Variants in PCDH19 observed in about 807,000 individuals in gnomAD.
PCDH19 encodes the protein protocadherin-19.
A neutral mutation model predicts 46.2 loss-of-function variants in PCDH19; 6 were observed. The ratio of observed to expected loss-of-function variants is 0.13; its 90% CI spans 0.07 to 0.26. The LOEUF is 0.26. Among genes scored for constraint, PCDH19 ranks in the 10% least tolerant of loss-of-function variants. The pLI is 1.00. For missense variants in PCDH19, 740 were observed against 972.3 expected, an observed-to-expected ratio of 0.76 and a Z score of 3.18; for synonymous variants, 481 against 415.7, an observed-to-expected ratio of 1.16 and a Z score of -1.91.
intron 5 of PCDH19, among the ~76,000 whole-genome samples, chrX:100,339,643 T>C (rs1484530249): frequency 8.9e-6 from 1 of 112,315 alleles, no homozygotes; most frequent in Admixed American, 9.4e-5. Context: ...GTGGCAAGCC[T>C]GAAGTTGCTA....
chrX:100,302,438 C>T (rs972122227), intron 5 of PCDH19, among the ~76,000 whole-genome samples: 24 of 111,613 alleles, frequency 2.2e-4, no homozygotes, highest in Non-Finnish European at 4.1e-4. Flanking sequence ...TCATCACACG[C>T]GTAATTACCA....
At chrX:100,403,434 C>G in intron 2 of PCDH19, 90 bp downstream of exon 2, 1 of 950,146 alleles carries the variant, frequency 1.1e-6, no homozygotes, top group South Asian at 2.0e-5. Context: ...TGCCCTAGCC[C>G]GGTTCCCTTT....
chrX:100,316,248 C>T (rs1183853611), intron 5 of PCDH19, among the ~76,000 whole-genome samples: 2 of 112,402 alleles, frequency 1.8e-5, no homozygotes, highest in African/African-American at 6.5e-5. Flanking sequence ...GTCTCAGAGA[C>T]ATTTTGAAGT....
intron 5 of PCDH19, among the ~76,000 whole-genome samples, chrX:100,326,625 G>C (rs1005843704): frequency 1.8e-5 from 2 of 111,245 alleles, no homozygotes; most frequent in Non-Finnish European, 3.8e-5. Context: ...CTCCAGAGAG[G>C]AACCAGGGCT....
Position 100,347,768 on chromosome X carries a change from A to C in PCDH19, c.2675+2878T>G, listed in dbSNP as rs779467197. Among the ~76,000 whole-genome samples, 3 of 111,246 alleles carry C rather than the reference A, an allele frequency of 2.7e-5. No homozygotes were observed. The East Asian group carries it at 8.5e-4, about 32-fold the overall frequency. ...AATAGAAGAAGAGAACATGGATAGAAAAATAAGTTCTCAGCCAGGCACGGT... is the reference window on the plus strand; with the variant it reads ...AATAGAAGAAGAGAACATGGATAGACAAATAAGTTCTCAGCCAGGCACGGT... On this transcript the variant is annotated intron_variant, in intron 4 of 5. Transcript: ENST00000373034.
intron 3 of PCDH19, among the ~76,000 whole-genome samples, chrX:100,391,444 C>A (rs749175656): frequency 8.9e-6 from 1 of 111,888 alleles, no homozygotes; most frequent in African/African-American, 3.2e-5. Flanking sequence ...TCAGATTATA[C>A]ACAGAATATG....
chrX:100,307,791 T>C (rs1164863629), intron 5 of PCDH19, among the ~76,000 whole-genome samples: 1 of 110,969 alleles, frequency 9.0e-6, no homozygotes, highest in Non-Finnish European at 1.9e-5. Flanking sequence ...CAACCTCTTT[T>C]ACAACAGATG....
At chrX:100,380,652 G>C (rs773756497) in intron 3 of PCDH19, among the ~76,000 whole-genome samples, 1 of 111,984 alleles carries the variant, frequency 8.9e-6, no homozygotes, top group Non-Finnish European at 1.9e-5. Flanking sequence ...TTCCTCCAAA[G>C]TCTCTGTTCT....
At chrX:100,316,607 G>A (rs1834256812) in intron 5 of PCDH19, among the ~76,000 whole-genome samples, 1 of 112,149 alleles carries the variant, frequency 8.9e-6, no homozygotes, top group Non-Finnish European at 1.9e-5. Flanking sequence ...ATTGAACTGA[G>A]CAGGGCCAAC....
chrX:100,382,148 G>A (rs1258170906), intron 3 of PCDH19, among the ~76,000 whole-genome samples: 1 of 109,844 alleles, frequency 9.1e-6, no homozygotes, highest in African/African-American at 3.3e-5. Context: ...CACTTACAGT[G>A]AGACTCTGTT....
intron 3 of PCDH19, among the ~76,000 whole-genome samples, chrX:100,354,044 T>G (rs1008785592): frequency 8.9e-6 from 1 of 111,972 alleles, no homozygotes; most frequent in East Asian, 2.8e-4. Flanking sequence ...TTATTCTAAT[T>G]GGATAGAATA....
chrX:100,317,586 T>A (rs1293374561), intron 5 of PCDH19, among the ~76,000 whole-genome samples: 11 of 48,651 alleles, frequency 2.3e-4, no homozygotes, highest in African/African-American at 7.3e-4. Flanking sequence ...ATTCATTGTA[T>A]CACCATATTT....
At position 100,407,857 on chromosome X, in the gene PCDH19, C is replaced by A. The variant is rs1057521743; in HGVS notation, c.741G>T (p.Val247=). The A allele has an allele frequency of 2.1e-5, 26 of 1,211,247 alleles. No individual in the cohort carries two copies. Among genetic ancestry groups the A allele is most frequent in the Non-Finnish European group, 2.8e-5 (25 of 895,468 alleles). ...VFSESTYAVS[V]PENSPPNTPV... is the part of the protein sequence containing the mutation. ...GTGTGTTGGGAGGCGAGTTTTCTGGCACGCTCACCGCGTAGGTGGACTCGC... is the reference window on the plus strand; with the variant it reads ...GTGTGTTGGGAGGCGAGTTTTCTGGAACGCTCACCGCGTAGGTGGACTCGC... Residue 247 remains valine, a synonymous_variant, in exon 1 of 6, where the codon GTG becomes GTT. Transcript: ENST00000373034.
At position 100,293,719 on chromosome X, in the gene PCDH19, CAA is replaced by C. The variant is rs963572486; in HGVS notation, c.*2556_*2557del. The C allele has an allele frequency of 1.8e-5, 2 of 110,429 alleles. No individual in the cohort carries two copies. Among genetic ancestry groups the C allele is most frequent in the Non-Finnish European group, 3.8e-5 (2 of 52,746 alleles). The allele number at this position is 110,429 out of a possible 1,213,427, so 9.1% of individuals were successfully genotyped here. The stretch of plus-strand genomic sequence containing the variant: ...AACATGCTCAGTGAGGTTTGGAAGC[CAA>C]AAAAATCTGACTGCCCACTGAGAAC... On this transcript the variant is annotated 3_prime_UTR_variant, in exon 6 of 6. Coordinates refer to ENST00000373034, the MANE Select transcript of PCDH19 (RefSeq NM_001184880.2).
At chrX:100,395,772 G>A (rs1311170269) in intron 3 of PCDH19, among the ~76,000 whole-genome samples, 1 of 113,243 alleles carries the variant, frequency 8.8e-6, no homozygotes, top group African/African-American at 3.2e-5. Flanking sequence ...GCACAGGGAG[G>A]TGCTAGCAGC....
chrX:100,339,863 G>A (rs991467277), intron 5 of PCDH19, among the ~76,000 whole-genome samples: 4 of 112,398 alleles, frequency 3.6e-5, no homozygotes, highest in Non-Finnish European at 7.5e-5. Flanking sequence ...AAATCAAATA[G>A]TAAGAAACAA....
chrX:100,397,869 C>G (rs1638659941), intron 3 of PCDH19, among the ~76,000 whole-genome samples: 1 of 111,824 alleles, frequency 8.9e-6, no homozygotes. Flanking sequence ...TACTAAGGAG[C>G]CTCTCAAAAA....
Position 100,403,907 on chromosome X carries a change from A to G in PCDH19, c.2148-243T>C, listed in dbSNP as rs569263819. Among the ~76,000 whole-genome samples, 4 of 112,431 alleles carry G rather than the reference A, an allele frequency of 3.6e-5. No homozygotes were observed. The South Asian group carries it at 1.5e-3, about 42-fold the overall frequency. On this transcript the variant is annotated intron_variant, in intron 1 of 5. Transcript: ENST00000373034. Reference sequence around the variant, plus strand: ...TAATGATTCAGTTTCTTTTTTGGAAATTCGATTTCTGGGCAATAATCAGCA... The same window carrying G: ...TAATGATTCAGTTTCTTTTTTGGAAGTTCGATTTCTGGGCAATAATCAGCA...
At chrX:100,305,705 T>C (rs1176319733) in intron 5 of PCDH19, among the ~76,000 whole-genome samples, 1 of 111,334 alleles carries the variant, frequency 9.0e-6, no homozygotes, top group African/African-American at 3.3e-5. Context: ...CACATAAACT[T>C]AAGGTAAAGG....
Sources: allele counts gnomAD v4.1 joint callset (sites outside exome capture counted in the v4.1 genomes callset), GRCh38; gene constraint gnomAD v4.1.1; transcripts MANE v1.5; gene names NCBI Gene and HGNC (gene_info 2026-07-23, HGNC 2026-07-21).